Variants in CALCOCO1 observed in about 807,000 individuals in gnomAD.
CALCOCO1 encodes calcium-binding and coiled-coil domain-containing protein 1.
CALCOCO1 carries 44 observed loss-of-function variants against 86.3 expected under a neutral mutation model. That is an observed-to-expected ratio of 0.51 (90% CI 0.40 to 0.66). The LOEUF (loss-of-function observed/expected upper bound fraction) is 0.66. Ranked by LOEUF, CALCOCO1 falls within the 30% of genes least tolerant of loss-of-function variation. The pLI, the probability that CALCOCO1 is intolerant of heterozygous loss-of-function variation, is 0.00. For synonymous variants in CALCOCO1, 297 were observed against 327.6 expected (o/e 0.91, Z 1.01); for missense variants, 708 against 851.1 (o/e 0.83, Z 2.09).
chr12:53,725,021 A>G (rs544154930), intron 2 of CALCOCO1, 66 bp downstream of exon 2: 1 of 1,475,118 alleles, frequency 6.8e-7, no homozygotes, highest in Non-Finnish European at 9.1e-7. Flanking sequence ...CAAGAGCCCA[A>G]TCATTCCCCT....
chr12:53,723,234 C>T (rs1028329214), intron 4 of CALCOCO1, among the ~76,000 whole-genome samples: 4 of 152,330 alleles, frequency 2.6e-5, no homozygotes, highest in South Asian at 2.1e-4. Context: ...ACTCCCCACT[C>T]GTCCTAGAAG....
intron 3 of CALCOCO1, chr12:53,724,004 C>T: frequency 1.7e-6 from 1 of 573,794 alleles, no homozygotes; most frequent in Non-Finnish European, 3.1e-6. Flanking sequence ...GAGTGCGTAC[C>T]ATGTACCAGA....
intron 2 of CALCOCO1, 74 bp from the exon 3 acceptor site, chr12:53,724,821 G>T (rs958740090): frequency 7.4e-6 from 9 of 1,219,544 alleles, no homozygotes; most frequent in East Asian, 2.5e-5. Flanking sequence ...GGGCTGAGGG[G>T]TTGAATAAGG....
chr12:53,727,381 C>T (rs1946068891), intron 1 of CALCOCO1, 23 bp downstream of exon 1: 1 of 152,262 alleles, frequency 6.6e-6, no homozygotes, highest in Non-Finnish European at 1.5e-5. Flanking sequence ...TAAGATCGCC[C>T]CCAATTAGGC....
At chr12:53,714,921 C>A (rs914795603) in intron 10 of CALCOCO1, among the ~76,000 whole-genome samples, 4 of 152,164 alleles carry the variant, frequency 2.6e-5, no homozygotes, top group African/African-American at 9.7e-5. Flanking sequence ...GAGTGGGGAC[C>A]TGCATGACTT....
intron 12 of CALCOCO1, 97 bp from the exon 13 acceptor site, chr12:53,713,997 AG>A (rs1945657037): frequency 7.6e-7 from 1 of 1,319,040 alleles, no homozygotes. Context: ...TAGACTAAAC[AG>A]GGGCCAGGGT....
intron 9 of CALCOCO1, 37 bp downstream of exon 9, chr12:53,715,756 T>C (rs1945707308): frequency 4.4e-6 from 7 of 1,603,738 alleles, no homozygotes; most frequent in Non-Finnish European, 5.9e-6. Context: ...GTGGGGGCAG[T>C]GGCCATCAGA....
At chr12:53,726,066 G>A (rs1005788260) in intron 1 of CALCOCO1, 1 of 152,252 alleles carries the variant, frequency 6.6e-6, no homozygotes, top group African/African-American at 2.4e-5. Flanking sequence ...GAGATGGAAT[G>A]TGGGGGCCTG....
In CALCOCO1 at chr12:53,715,814, T is replaced by C; in HGVS notation, c.1239A>G (p.Ala413=). ...EEKCQWSKER[A]GLLQSVEAEK... ...CTACCTCCACACTCTGCAGCAGCCC[T>C]GCCCGCTCCTTGCTCCATTGGCATT... Residue 413 remains alanine, a synonymous_variant, in exon 9 of 15, where the codon GCA becomes GCG. Transcript: ENST00000550804. 1 of 1,613,684 alleles carries C rather than the reference T, an allele frequency of 6.2e-7. No homozygotes were observed. Among genetic ancestry groups the C allele is most frequent in the African/African-American group, 1.3e-5 (1 of 75,072 alleles).
At chr12:53,716,529 T>A in intron 7 of CALCOCO1, 114 bp from the exon 8 acceptor site, 1 of 1,087,128 alleles carries the variant, frequency 9.2e-7, no homozygotes, top group Non-Finnish European at 1.3e-6. Context: ...TAACACACAC[T>A]CAAGCCTTCA....
rs1238406789 is a variant in CALCOCO1 at position 53,712,140 on chromosome 12, A to G, written c.1899-19T>C. The stretch of plus-strand genomic sequence containing the variant: ...AAAGCCACTAAGAGAGACAGAGGGG[A>G]AAGGGAGAGGGTCGGCGTGCTCTGT... On this transcript the variant is annotated intron_variant, in intron 14 of 14. Coordinates refer to ENST00000550804, the MANE Select transcript of CALCOCO1 (RefSeq NM_020898.3). 14 of 1,581,310 alleles carry G rather than the reference A, an allele frequency of 8.9e-6. No individual in the cohort carries two copies. Among genetic ancestry groups the G allele is most frequent in the Non-Finnish European group, 1.2e-5 (14 of 1,162,278 alleles).
At chr12:53,714,087 G>C in intron 12 of CALCOCO1, 46 bp downstream of exon 12, 2 of 1,478,346 alleles carry the variant, frequency 1.4e-6, no homozygotes, top group Non-Finnish European at 1.9e-6. Context: ...TCAACAGCGG[G>C]AGGTAGAGTG....
chr12:53,726,559 A>T (rs537915029), intron 1 of CALCOCO1, among the ~76,000 whole-genome samples: 102 of 152,246 alleles, frequency 6.7e-4, no homozygotes, highest in African/African-American at 2.4e-3. Context: ...GTCACTAGTC[A>T]TATGCACGCC....
rs779364502 is a variant in CALCOCO1 at position 53,714,587 on chromosome 12, T to A, written c.1482+11A>T. 6.2e-7 allele frequency: 1 copy of A among 1,609,904 alleles called. No homozygotes were observed. The highest frequency in any genetic ancestry group is 1.1e-5 in the South Asian group (1 of 91,000). On this transcript the variant is annotated intron_variant, in intron 11 of 14. Coordinates refer to ENST00000550804, the MANE Select transcript of CALCOCO1 (RefSeq NM_020898.3). Reference sequence around the variant, plus strand: ...TGTGGCATCCACGGGGCCTGGGTTATGGGTGCTCACCTGTTTCTCCTCCTG... The same window carrying A: ...TGTGGCATCCACGGGGCCTGGGTTAAGGGTGCTCACCTGTTTCTCCTCCTG...
At chr12:53,719,323 C>A (rs1303804488) in intron 7 of CALCOCO1, among the ~76,000 whole-genome samples, 4 of 151,702 alleles carry the variant, frequency 2.6e-5, no homozygotes, top group Non-Finnish European at 5.9e-5. Context: ...GTCAAGAGTT[C>A]GAGACCAGCC....
At chr12:53,715,142 G>C in intron 10 of CALCOCO1, 58 bp downstream of exon 10, 1 of 1,581,690 alleles carries the variant, frequency 6.3e-7, no homozygotes, top group Non-Finnish European at 8.6e-7. Context: ...ACAGAGAGAA[G>C]GGGTATGGAT....
intron 7 of CALCOCO1, 89 bp downstream of exon 7, chr12:53,719,650 A>G: frequency 2.3e-6 from 2 of 870,224 alleles, no homozygotes; most frequent in South Asian, 1.5e-5. Flanking sequence ...TCTTCTTTAC[A>G]TTTTTATTCC....
chr12:53,716,474 G>A (rs1039581076), intron 7 of CALCOCO1, 59 bp from the exon 8 acceptor site: 5 of 1,565,272 alleles, frequency 3.2e-6, no homozygotes, highest in Non-Finnish European at 4.4e-6. Flanking sequence ...GGCTCGGGAG[G>A]TGAACCATTG....
intron 3 of CALCOCO1, 137 bp downstream of exon 3, chr12:53,724,508 A>G: frequency 4.3e-6 from 3 of 697,892 alleles, no homozygotes; most frequent in Non-Finnish European, 2.6e-6. Context: ...GCTGTTGGAT[A>G]TATTCTCATT....
Sources: gnomAD v4.1 joint callset for allele counts (sites outside exome capture counted in the v4.1 genomes callset) on GRCh38, gnomAD v4.1.1 for gene constraint, MANE v1.5 for transcripts, NCBI Gene and HGNC (gene_info 2026-07-23, HGNC 2026-07-21) for gene names.